The following GPA33 variants were observed in gnomAD, a reference collection of about 807,000 sequenced individuals.
The protein encoded by GPA33 is cell surface A33 antigen.
In GPA33, 27 loss-of-function variants were observed where a neutral mutation model predicts 35.6. The ratio of observed to expected loss-of-function variants is 0.76; its 90% confidence interval spans 0.56 to 1.04. GPA33 has a LOEUF of 1.04. GPA33 is among the 50% of genes least tolerant of loss of function. The pLI is 0.00. For synonymous variants in GPA33, 176 were observed against 164.0 expected (o/e 1.07, Z -0.56); for missense variants, 428 against 411.9 (o/e 1.04, Z -0.34).
chr1:167,056,689 G>GTGGTGTGTGTATGGCGTGTGT (rs1417438857), intron 4 of GPA33, among the ~76,000 whole-genome samples: 1 of 118,406 alleles, frequency 8.4e-6, no homozygotes, highest in Non-Finnish European at 1.9e-5. Flanking sequence ...TCTGGTGTGT[G>GTGGTGTGTGTATGGCGTGTGT]GTGGGTGTGT....
Position 167,054,202 on chromosome 1 carries a change from T to G in GPA33, c.*132A>C. Reference sequence around the variant, plus strand: ...CAGCCATGTTCCCCACAGCTGACACTGGGGAAGAAATGTCCCCATCAATGT... The same window carrying G: ...CAGCCATGTTCCCCACAGCTGACACGGGGGAAGAAATGTCCCCATCAATGT... On this transcript the variant is annotated 3_prime_UTR_variant, in exon 7 of 7. Coordinates refer to ENST00000367868, the MANE Select transcript of GPA33 (RefSeq NM_005814.3). 1 of 1,208,946 alleles carries G rather than the reference T, an allele frequency of 8.3e-7. No individual in the cohort carries two copies. Among genetic ancestry groups the G allele is most frequent in the Non-Finnish European group, 1.2e-6 (1 of 852,736 alleles). The allele number at this position is 1,208,946 out of a possible 1,614,324, so 74.9% of individuals were successfully genotyped here. A position where few individuals can be genotyped will look rare whatever the true frequency, so the allele number is the denominator to read the frequency against.
In GPA33 at chr1:167,086,678, T is replaced by C. The variant is rs963137386; in HGVS notation, c.43+3567A>G. Among the ~76,000 whole-genome samples the C allele has an allele frequency of 2.0e-5, 3 of 152,236 alleles. 1 individual carries two copies. The highest frequency in any genetic ancestry group is 7.2e-5 in the African/African-American group (3 of 41,448). On this transcript the variant is annotated intron_variant, in intron 1 of 6. Transcript: ENST00000367868. ...AATCAGCCTCAAAATGTCAGCAACT[T>C]GCAAACTTGGTTCCCTTCAAAAACT...
chr1:167,055,835 C>A lies in GPA33; in HGVS notation c.586G>T (p.Val196Phe). The change falls in exon 5 of 7, where the codon GTC becomes TTC. Residue 196 changes from valine (V) to phenylalanine (F), a missense_variant. Val to Phe is a conservative substitution (Grantham distance 50, BLOSUM62 -1). Transcript: ENST00000367868. ...PLAQPASGQPVSLKNISTDTS... is the reference protein window; with the variant it reads ...PLAQPASGQPFSLKNISTDTS... ...TCTGTGGAGATATTCTTCAGGGAGA[C>A]AGGCTGACCTGAGGCTGCAGGGGAA... is the stretch of plus-strand genomic sequence containing the variant. 6.2e-7 allele frequency: 1 copy of A among 1,613,988 alleles called. No homozygotes were observed. The highest frequency in any genetic ancestry group is 8.5e-7 in the Non-Finnish European group (1 of 1,179,928).
At chr1:167,076,295 C>T (rs1028117636) in intron 1 of GPA33, among the ~76,000 whole-genome samples, 1 of 152,054 alleles carries the variant, frequency 6.6e-6, no homozygotes, top group Non-Finnish European at 1.5e-5. Flanking sequence ...GAGGACAGGC[C>T]TTAGAAGAGA....
At chr1:167,065,825 A>C (rs1231043522) in intron 3 of GPA33, among the ~76,000 whole-genome samples, 1 of 152,138 alleles carries the variant, frequency 6.6e-6, no homozygotes, top group Non-Finnish European at 1.5e-5. Flanking sequence ...TCCTAAACAT[A>C]AGAGGTCCAA....
intron 1 of GPA33, among the ~76,000 whole-genome samples, chr1:167,077,749 A>T (rs751744167): frequency 1.3e-5 from 2 of 152,250 alleles, no homozygotes; most frequent in Non-Finnish European, 2.9e-5. Flanking sequence ...GAGTCACTCT[A>T]TTGAGTTAAT....
intron 1 of GPA33, among the ~76,000 whole-genome samples, chr1:167,084,545 G>C (rs1223515533): frequency 6.6e-6 from 1 of 152,268 alleles, no homozygotes; most frequent in Admixed American, 6.5e-5. Flanking sequence ...TGCTGGGTCA[G>C]TTTCTGGGCT....
rs1666187181 is a variant in GPA33 at position 167,054,440 on chromosome 1, G to C, written c.854C>G (p.Pro285Arg). 1 of 1,614,056 alleles carries C rather than the reference G, an allele frequency of 6.2e-7. No individual in the cohort carries two copies. The highest frequency in any genetic ancestry group is 8.5e-7 in the Non-Finnish European group (1 of 1,179,992). The change falls in exon 7 of 7, where the codon CCA (proline) becomes CGA (arginine). Residue 285 changes from proline (P) to arginine (R), a missense_variant. By Grantham distance (103) the Pro-to-Arg change is moderately radical. Coordinates refer to ENST00000367868, the MANE Select transcript of GPA33 (RefSeq NM_005814.3). Reference sequence around the variant, plus strand: ...TCTGGAAAGTTCTCTTAGCTGCTCTGGTGGCTCCTCATAGGCTTCCCGGTT... The same window carrying C: ...TCTGGAAAGTTCTCTTAGCTGCTCTCGTGGCTCCTCATAGGCTTCCCGGTT... ...RPNREAYEEP[P>R]EQLRELSRER...
chr1:167,058,720 A>G (rs1339232005), intron 4 of GPA33, among the ~76,000 whole-genome samples: 1 of 151,784 alleles, frequency 6.6e-6, no homozygotes, highest in Non-Finnish European at 1.5e-5. Context: ...TGTGATATTA[A>G]CATGCGGCAT....
chr1:167,085,941 A>G (rs1667038958), intron 1 of GPA33, among the ~76,000 whole-genome samples: 1 of 152,212 alleles, frequency 6.6e-6, no homozygotes, highest in South Asian at 2.1e-4. Flanking sequence ...CTCAGAAGGT[A>G]TGGGGGAGAC....
chr1:167,084,486 T>C (rs994975620), intron 1 of GPA33, among the ~76,000 whole-genome samples: 1 of 152,226 alleles, frequency 6.6e-6, no homozygotes, highest in Non-Finnish European at 1.5e-5. Context: ...TATTCTCTCC[T>C]TTGAGTTGGG....
chr1:167,058,126 G>T (rs1048479612), intron 4 of GPA33, among the ~76,000 whole-genome samples: 3 of 152,290 alleles, frequency 2.0e-5, no homozygotes, highest in South Asian at 4.1e-4. Flanking sequence ...TTGAACCTGG[G>T]TGGTGGAGGT....
At chr1:167,067,018 A>G (rs990826370) in intron 3 of GPA33, among the ~76,000 whole-genome samples, 24 of 152,260 alleles carry the variant, frequency 1.6e-4, no homozygotes, top group Non-Finnish European at 2.8e-4. Context: ...AGGAAAGAAA[A>G]CGTGTGTGTG....
chr1:167,069,250 C>CAGG (rs1666668598), intron 2 of GPA33, 112 bp from the exon 3 acceptor site: 2 of 649,174 alleles, frequency 3.1e-6, no homozygotes, highest in Non-Finnish European at 5.5e-6. Context: ...AAGCACAGAC[C>CAGG]TGCCAACCCC....
intron 1 of GPA33, among the ~76,000 whole-genome samples, chr1:167,085,529 C>G (rs1383490223): frequency 6.6e-6 from 1 of 152,166 alleles, no homozygotes; most frequent in Non-Finnish European, 1.5e-5. Context: ...GCCCATGAAC[C>G]AATTCTTCCC....
At position 167,071,840 on chromosome 1, in the gene GPA33, A is replaced by G. The variant is rs188377794; in HGVS notation, c.198+1545T>C. On this transcript the variant is annotated intron_variant, in intron 2 of 6. Transcript: ENST00000367868. ...GGGCCGTATTTAAATCCCTTTCTCT[A>G]TACTCTTGCAGGGTCTCAAGGCAAT... is the stretch of plus-strand genomic sequence containing the variant. 2.0e-3 allele frequency among the ~76,000 whole-genome samples: 311 copies of G among 152,208 alleles called. 1 individual carries two copies. Among genetic ancestry groups the G allele is most frequent in the Admixed American group, 4.2e-3 (64 of 15,294 alleles).
intron 4 of GPA33, among the ~76,000 whole-genome samples, chr1:167,056,727 GAT>G: frequency 9.3e-5 from 1 of 10,764 alleles, no homozygotes; most frequent in South Asian, 2.9e-3. Context: ...TGTAGTGTGT[GAT>G]GTATGTGGTG....
chr1:167,060,957 C>T (rs1666426359), intron 4 of GPA33, among the ~76,000 whole-genome samples: 1 of 152,242 alleles, frequency 6.6e-6, no homozygotes, highest in African/African-American at 2.4e-5. Context: ...ACTCAAATAA[C>T]AGCTAATAAC....
chr1:167,066,758 G>A (rs889028945), intron 3 of GPA33, among the ~76,000 whole-genome samples: 1 of 152,230 alleles, frequency 6.6e-6, no homozygotes, highest in Admixed American at 6.5e-5. Context: ...AACCAGTCGG[G>A]TGCCAAGGCC....
Sources: gnomAD v4.1 joint callset for allele counts (sites outside exome capture counted in the v4.1 genomes callset) on GRCh38, gnomAD v4.1.1 for gene constraint, MANE v1.5 for transcripts, NCBI Gene and HGNC (gene_info 2026-07-23, HGNC 2026-07-21) for gene names.